Variants in RBFOX1 observed in about 807,000 individuals in gnomAD.
RBFOX1 encodes RNA binding protein fox-1 homolog 1.
Under a neutral mutation model 57.7 loss-of-function variants are expected in RBFOX1, and 8 were observed. That is an observed-to-expected ratio of 0.14 (90% CI 0.08 to 0.25). The LOEUF (loss-of-function observed/expected upper bound fraction) is 0.25. RBFOX1 is among the 10% of genes least tolerant of loss of function. The probability of loss-of-function intolerance (pLI) is 1.00; values close to 1 mark genes in which losing one functional copy is unlikely to be tolerated. For missense variants in RBFOX1, 611 were observed against 548.5 expected (o/e 1.11, Z -1.14); for synonymous variants, 326 against 222.4 (o/e 1.47, Z -4.15).
chr16:5,999,444 A>C (rs200434963), intron 4 of RBFOX1, among the ~76,000 whole-genome samples: 1 of 152,190 alleles, frequency 6.6e-6, no homozygotes, highest in African/African-American at 2.4e-5. Flanking sequence ...GGATCATTTG[A>C]TTCATTTTTT....
intron 2 of RBFOX1, among the ~76,000 whole-genome samples, chr16:5,573,079 G>A (rs1345898696): frequency 2.0e-5 from 3 of 152,184 alleles, no homozygotes; most frequent in Non-Finnish European, 4.4e-5. Context: ...TCGTAATGAT[G>A]GTGCCCTGGA....
intron 2 of RBFOX1, among the ~76,000 whole-genome samples, chr16:5,590,827 G>C (rs2046983179): frequency 6.6e-6 from 1 of 152,174 alleles, no homozygotes. Flanking sequence ...GTAAAATGCA[G>C]TGATTGATTA....
intron 3 of RBFOX1, among the ~76,000 whole-genome samples, chr16:5,663,336 T>C (rs957083625): frequency 6.6e-6 from 1 of 152,036 alleles, no homozygotes; most frequent in African/African-American, 2.4e-5. Context: ...TCCCAGGTAG[T>C]TGAGACCACA....
At chr16:7,219,266 T>G (rs1374931508) in intron 4 of RBFOX1, among the ~76,000 whole-genome samples, 1 of 152,230 alleles carries the variant, frequency 6.6e-6, no homozygotes, top group Non-Finnish European at 1.5e-5. Flanking sequence ...GGGCTTTCTT[T>G]TGGCATATTG....
At chr16:5,385,052 G>T (rs1397178695) in intron 1 of RBFOX1, among the ~76,000 whole-genome samples, 1 of 152,212 alleles carries the variant, frequency 6.6e-6, no homozygotes, top group African/African-American at 2.4e-5. Context: ...CACAAAAGAA[G>T]AACAGAATAG....
At position 7,515,926 on chromosome 16, in the gene RBFOX1, C is replaced by T. The variant is rs149012251; in HGVS notation, c.28-2221C>T. ...GTGGTGCACTCTCAGCTCACTGCAACTTCCACCTCCCACATTCAAGTGGTT... is the reference window on the plus strand; with the variant it reads ...GTGGTGCACTCTCAGCTCACTGCAATTTCCACCTCCCACATTCAAGTGGTT... On this transcript the variant is annotated intron_variant, in intron 4 of 15. Coordinates refer to ENST00000550418, the MANE Select transcript of RBFOX1 (RefSeq NM_018723.4). 1.2e-4 allele frequency among the ~76,000 whole-genome samples: 19 copies of T among 152,242 alleles called. No homozygotes were observed. The East Asian group carries it at 3.7e-3, about 30-fold the overall frequency.
chr16:6,213,655 T>G (rs537326413), intron 1 of RBFOX1, among the ~76,000 whole-genome samples: 1 of 152,194 alleles, frequency 6.6e-6, no homozygotes, highest in South Asian at 2.1e-4. Flanking sequence ...CTTATTTCAA[T>G]GTAATAAAGA....
intron 1 of RBFOX1, among the ~76,000 whole-genome samples, chr16:5,459,224 A>C (rs1177726236): frequency 6.6e-6 from 1 of 152,196 alleles, no homozygotes. Flanking sequence ...ACCAGATATG[A>C]CCCTTGTCCT....
intron 2 of RBFOX1, among the ~76,000 whole-genome samples, chr16:6,615,899 C>T (rs1030593241): frequency 5.9e-5 from 9 of 152,182 alleles, no homozygotes; most frequent in African/African-American, 1.9e-4. Flanking sequence ...TGATACGCAT[C>T]TCCCCATCCC....
At chr16:6,699,019 T>G (rs748264768) in intron 3 of RBFOX1, among the ~76,000 whole-genome samples, 7 of 152,164 alleles carry the variant, frequency 4.6e-5, no homozygotes, top group Non-Finnish European at 8.8e-5. Flanking sequence ...TTGGTACACA[T>G]TAGGTACTAA....
At chr16:5,775,723 T>G (rs1331142946) in intron 3 of RBFOX1, among the ~76,000 whole-genome samples, 1 of 152,208 alleles carries the variant, frequency 6.6e-6, no homozygotes. Flanking sequence ...TAGAGCCTGC[T>G]AACTTGTTGG....
At chr16:6,248,738 A>C (rs1244589783) in intron 1 of RBFOX1, among the ~76,000 whole-genome samples, 1 of 152,172 alleles carries the variant, frequency 6.6e-6, no homozygotes, top group Non-Finnish European at 1.5e-5. Flanking sequence ...CCGAGATTCA[A>C]ATTCAGCTCT....
At chr16:6,271,190 G>T (rs1367420992) in intron 1 of RBFOX1, among the ~76,000 whole-genome samples, 2 of 152,178 alleles carry the variant, frequency 1.3e-5, no homozygotes, top group Non-Finnish European at 2.9e-5. Flanking sequence ...TTGGGAGGCC[G>T]AGGTGGGCAG....
At chr16:6,165,410 T>C (rs908689693) in intron 1 of RBFOX1, among the ~76,000 whole-genome samples, 1 of 152,180 alleles carries the variant, frequency 6.6e-6, no homozygotes, top group Non-Finnish European at 1.5e-5. Flanking sequence ...CAGGGTTCAT[T>C]ATACTGAAGA....
At chr16:6,892,197 C>T (rs937751141) in intron 3 of RBFOX1, among the ~76,000 whole-genome samples, 1 of 152,078 alleles carries the variant, frequency 6.6e-6, no homozygotes, top group Non-Finnish European at 1.5e-5. Flanking sequence ...AAGTTAATGC[C>T]CTTTGGCCAA....
intron 4 of RBFOX1, among the ~76,000 whole-genome samples, chr16:5,965,185 A>C (rs1204335551): frequency 6.6e-6 from 1 of 152,184 alleles, no homozygotes; most frequent in Admixed American, 6.5e-5. Flanking sequence ...ACACAGTATA[A>C]GTTTTCAGTT....
At chr16:6,596,711 T>C (rs1299867335) in intron 2 of RBFOX1, among the ~76,000 whole-genome samples, 1 of 152,204 alleles carries the variant, frequency 6.6e-6, no homozygotes, top group East Asian at 1.9e-4. Context: ...ACCAAGTCTT[T>C]TGAACTGTAA....
intron 3 of RBFOX1, among the ~76,000 whole-genome samples, chr16:6,841,680 T>TTG (rs1567508822): frequency 3.3e-5 from 5 of 151,706 alleles, no homozygotes; most frequent in African/African-American, 1.2e-4. Context: ...TAGCCCTCTG[T>TTG]GGAAAATGAT....
Position 6,959,425 on chromosome 16 carries a change from A to C in RBFOX1, c.-15-92632A>C, listed in dbSNP as rs189111619. On this transcript the variant is annotated intron_variant, in intron 3 of 15. Coordinates refer to ENST00000550418, the MANE Select transcript of RBFOX1 (RefSeq NM_018723.4). ...CTAAGAGTTGTACTTCACGCTTATC[A>C]CAGCAGGGATGAAGGCAGAAGTTGG... Among the ~76,000 whole-genome samples the C allele has an allele frequency of 1.4e-4, 22 of 152,330 alleles. No homozygotes were observed. The East Asian group carries it at 4.0e-3, about 28-fold the overall frequency.
Sources: gnomAD v4.1 joint callset for allele counts (sites outside exome capture counted in the v4.1 genomes callset) on GRCh38, gnomAD v4.1.1 for gene constraint, MANE v1.5 for transcripts, NCBI Gene and HGNC (gene_info 2026-07-23, HGNC 2026-07-21) for gene names.